CEP128: variants seen among roughly 807,000 people sequenced by gnomAD.
The protein encoded by CEP128 is centrosomal protein 128kDa.
A neutral mutation model predicts 156.7 loss-of-function variants in CEP128; 132 were observed. That is an observed-to-expected ratio of 0.84 (90% CI 0.73 to 0.97). The LOEUF (loss-of-function observed/expected upper bound fraction) is 0.97. Among genes scored for constraint, CEP128 ranks in the 50% least tolerant of loss-of-function variants. The pLI, the probability that CEP128 is intolerant of heterozygous loss-of-function variation, is 0.00. For synonymous variants in CEP128, 469 were observed against 448.9 expected (o/e 1.04, Z -0.57); for missense variants, 1,252 against 1,281.9 (o/e 0.98, Z 0.36).
rs779309669 is a variant in CEP128, at chr14:80,477,139, G to A, written c.*1579C>T. The A allele has an allele frequency of 1.2e-4, 19 of 152,020 alleles. No homozygotes were observed. In the South Asian group the frequency reaches 4.0e-3, roughly 32 times the overall value. The allele number at this position is 152,020 out of a possible 1,614,324, so 9.4% of individuals were successfully genotyped here. A position where few individuals can be genotyped will look rare whatever the true frequency, so the allele number is the denominator to read the frequency against. ...AGAGAATGGGAATAAATTAACCAAG[G>A]AACTCATTAATACACCTCCAAACAG... On this transcript the variant is annotated 3_prime_UTR_variant and NMD_transcript_variant, in exon 15 of 15. Transcript: ENST00000554502.
At chr14:80,716,246 C>G (rs1451791643) in intron 19 of CEP128, among the ~76,000 whole-genome samples, 1 of 152,072 alleles carries the variant, frequency 6.6e-6, no homozygotes, top group Non-Finnish European at 1.5e-5. Flanking sequence ...ATAATTTATC[C>G]ATTTAAAGTG....
intron 19 of CEP128, among the ~76,000 whole-genome samples, chr14:80,711,154 T>C (rs1347677728): frequency 1.3e-5 from 2 of 152,116 alleles, no homozygotes; most frequent in Admixed American, 6.6e-5. Context: ...ACTGAGGCAA[T>C]ATAACACAAT....
intron 19 of CEP128, among the ~76,000 whole-genome samples, chr14:80,641,417 C>T (rs1894401705): frequency 6.6e-6 from 1 of 152,186 alleles, no homozygotes; most frequent in Admixed American, 6.5e-5. Flanking sequence ...CCTGCCTTTT[C>T]AAGTTTTATC....
At chr14:80,756,374 C>T (rs1899659512) in intron 18 of CEP128, among the ~76,000 whole-genome samples, 1 of 152,166 alleles carries the variant, frequency 6.6e-6, no homozygotes, top group Non-Finnish European at 1.5e-5. Flanking sequence ...TTTATCTTTC[C>T]ATCACCTCCC....
chr14:80,905,654 A>G, intron 5 of CEP128: 1 of 260,898 alleles, frequency 3.8e-6, no homozygotes. Flanking sequence ...CCTAAAGTGT[A>G]TCACATAGCG....
At chr14:80,800,731 C>T (rs995651665) in intron 13 of CEP128, among the ~76,000 whole-genome samples, 2 of 152,032 alleles carry the variant, frequency 1.3e-5, no homozygotes, top group Non-Finnish European at 2.9e-5. Flanking sequence ...AACCAGGCAT[C>T]GACTAGTTAT....
chr14:80,753,211 T>C (rs1163066149), intron 18 of CEP128, among the ~76,000 whole-genome samples: 1 of 152,146 alleles, frequency 6.6e-6, no homozygotes, highest in East Asian at 1.9e-4. Context: ...TTGTGATAAG[T>C]GCTAAAGATG....
At chr14:80,733,671 A>G (rs1052029386) in intron 19 of CEP128, among the ~76,000 whole-genome samples, 1 of 152,180 alleles carries the variant, frequency 6.6e-6, no homozygotes, top group Non-Finnish European at 1.5e-5. Flanking sequence ...TCATGGCTAT[A>G]AGGCATATAT....
At chr14:80,821,358 C>G (rs78046153) in intron 13 of CEP128, among the ~76,000 whole-genome samples, 2,381 of 152,306 alleles carry the variant, frequency 0.016, 32 homozygotes, top group African/African-American at 0.028. Flanking sequence ...TACCAACCCT[C>G]TTTCAATGGT....
intron 21 of CEP128, among the ~76,000 whole-genome samples, chr14:80,537,173 A>G (rs1235742459): frequency 6.6e-6 from 1 of 151,352 alleles, no homozygotes; most frequent in Non-Finnish European, 1.5e-5. Flanking sequence ...TATTCACAGT[A>G]TTTTTTTTTA....
At chr14:80,603,349 G>A (rs1172841212) in intron 19 of CEP128, among the ~76,000 whole-genome samples, 3 of 152,196 alleles carry the variant, frequency 2.0e-5, no homozygotes, top group Admixed American at 6.5e-5. Flanking sequence ...GCTGGAGGGA[G>A]GGATATGGGA....
chr14:80,628,665 G>A (rs1893835083), intron 19 of CEP128, among the ~76,000 whole-genome samples: 2 of 152,138 alleles, frequency 1.3e-5, no homozygotes, highest in South Asian at 4.1e-4. Context: ...ACAAATGACT[G>A]AAACCTGGTC....
Position 80,924,589 on chromosome 14 carries a change from T to C in CEP128, c.-15-8027A>G, listed in dbSNP as rs552786884. On this transcript the variant is annotated intron_variant, in intron 2 of 24. Coordinates refer to ENST00000555265, the MANE Select transcript of CEP128 (RefSeq NM_152446.5). ...TCATCTTGAAGGATGCACATAAGTT[T>C]GACAGGTGGATGAGACAAGGAAATA... 3.9e-5 allele frequency among the ~76,000 whole-genome samples: 6 copies of C among 152,238 alleles called. No homozygotes were observed. In the South Asian group the frequency reaches 1.2e-3, roughly 32 times the overall value.
intron 19 of CEP128, among the ~76,000 whole-genome samples, chr14:80,641,520 C>A (rs778782016): frequency 6.6e-6 from 1 of 152,180 alleles, no homozygotes; most frequent in Non-Finnish European, 1.5e-5. Flanking sequence ...CCTGTCTTTG[C>A]GCCTTTTTCC....
chr14:80,954,093 C>G (rs961469925), intron 2 of CEP128, among the ~76,000 whole-genome samples: 4 of 151,976 alleles, frequency 2.6e-5, no homozygotes, highest in African/African-American at 9.7e-5. Context: ...CACAGTGAAA[C>G]CCCGTCTCTA....
At chr14:80,544,310 C>T (rs990356418) in intron 21 of CEP128, among the ~76,000 whole-genome samples, 2 of 152,046 alleles carry the variant, frequency 1.3e-5, no homozygotes, top group African/African-American at 2.4e-5. Context: ...AATAAAAATA[C>T]CATAAAGTGG....
intron 19 of CEP128, among the ~76,000 whole-genome samples, chr14:80,628,481 C>T (rs536684713): frequency 1.3e-5 from 2 of 152,284 alleles, no homozygotes; most frequent in South Asian, 2.1e-4. Context: ...TATGAACTGA[C>T]ATGACTTTAA....
At position 80,711,456 on chromosome 14, in the gene CEP128, T is replaced by A. The variant is rs191549591; in HGVS notation, c.2806+31619A>T. Reference sequence around the variant, plus strand: ...AAGAAAGAGGCTAGCTTATAAGAGATAATATATGTAAAATTACAGTTGTAA... The same window carrying A: ...AAGAAAGAGGCTAGCTTATAAGAGAAAATATATGTAAAATTACAGTTGTAA... On this transcript the variant is annotated intron_variant, in intron 19 of 24. Coordinates refer to ENST00000555265, the MANE Select transcript of CEP128 (RefSeq NM_152446.5). Among the ~76,000 whole-genome samples, 3 of 152,182 alleles carry A rather than the reference T, an allele frequency of 2.0e-5. No homozygotes were observed. In the East Asian group the frequency reaches 5.8e-4, roughly 29 times the overall value.
chr14:80,941,329 T>G (rs899740328), intron 1 of CEP128, among the ~76,000 whole-genome samples: 1 of 152,154 alleles, frequency 6.6e-6, no homozygotes, highest in Non-Finnish European at 1.5e-5. Flanking sequence ...AAGGACAATG[T>G]AGTCCAGATT....
Sources: gnomAD v4.1 joint callset for allele counts (sites outside exome capture counted in the v4.1 genomes callset) on GRCh38, gnomAD v4.1.1 for gene constraint, MANE v1.5 for transcripts, NCBI Gene and HGNC (gene_info 2026-07-23, HGNC 2026-07-21) for gene names.